FMNL2: variants seen among roughly 807,000 people sequenced by gnomAD.
FMNL2 encodes formin like 2, also known as formin-like protein 2.
In FMNL2, 51 loss-of-function variants were observed where a neutral mutation model predicts 130.2. That is an observed-to-expected ratio of 0.39 (90% CI 0.31 to 0.49). The LOEUF is 0.49. Among genes scored for constraint, FMNL2 ranks in the 20% least tolerant of loss-of-function variants. The probability of loss-of-function intolerance (pLI) is 0.85; values close to 1 mark genes in which losing one functional copy is unlikely to be tolerated. For missense variants in FMNL2, 977 were observed against 1,316.2 expected, an observed-to-expected ratio of 0.74 and a Z score of 3.99; for synonymous variants, 465 against 467.1, an observed-to-expected ratio of 1.00 and a Z score of 0.06.
chr2:152,379,311 GTGCT>G (rs1684336037), intron 1 of FMNL2, among the ~76,000 whole-genome samples: 1 of 152,226 alleles, frequency 6.6e-6, no homozygotes, highest in Non-Finnish European at 1.5e-5. Flanking sequence ...CTCATCATGA[GTGCT>G]TCTACTTCGT....
In FMNL2 at chr2:152,624,944, G is replaced by A. The variant is rs191251112; in HGVS notation, c.1838-494G>A. 6.5e-4 allele frequency among the ~76,000 whole-genome samples: 99 copies of A among 152,292 alleles called. 1 individual carries two copies. Among genetic ancestry groups the A allele is most frequent in the Non-Finnish European group, 1.2e-3 (82 of 68,026 alleles). On this transcript the variant is annotated intron_variant, in intron 15 of 25. Transcript: ENST00000288670. Reference sequence around the variant, plus strand: ...CCCACAGGAAGTCAGCCTTCATGACGTTGTACTTCTGGTAGTCTAGTCAGC... The same window carrying A: ...CCCACAGGAAGTCAGCCTTCATGACATTGTACTTCTGGTAGTCTAGTCAGC...
intron 6 of FMNL2, among the ~76,000 whole-genome samples, chr2:152,572,850 C>G (rs1696255895): frequency 6.6e-6 from 1 of 150,944 alleles, no homozygotes; most frequent in Non-Finnish European, 1.5e-5. Context: ...AGCAAAGAAA[C>G]CAAATATACA....
chr2:152,501,637 GA>G (rs538343244), intron 1 of FMNL2, among the ~76,000 whole-genome samples: 20 of 152,282 alleles, frequency 1.3e-4, no homozygotes, highest in African/African-American at 4.8e-4. Context: ...AGGGAGCAAA[GA>G]GCCTGATTGT....
chr2:152,497,792 C>T (rs952302057), intron 1 of FMNL2, among the ~76,000 whole-genome samples: 3 of 152,128 alleles, frequency 2.0e-5, no homozygotes, highest in Admixed American at 6.6e-5. Context: ...ATGGGTTAGT[C>T]GGGTTTTCTG....
At chr2:152,579,423 C>T (rs558050323) in intron 8 of FMNL2, among the ~76,000 whole-genome samples, 5 of 152,326 alleles carry the variant, frequency 3.3e-5, no homozygotes, top group South Asian at 2.1e-4. Context: ...AGTGGCCAGC[C>T]GCAGTGGCTC....
At chr2:152,636,186 C>T (rs1682590638) in intron 21 of FMNL2, among the ~76,000 whole-genome samples, 1 of 152,222 alleles carries the variant, frequency 6.6e-6, no homozygotes, top group Non-Finnish European at 1.5e-5. Context: ...CCTCTTTATG[C>T]TGCTTTTGCT....
chr2:152,337,913 T>C (rs530484097), intron 1 of FMNL2, among the ~76,000 whole-genome samples: 1 of 152,234 alleles, frequency 6.6e-6, no homozygotes, highest in African/African-American at 2.4e-5. Flanking sequence ...ATGCGTTCCT[T>C]GTCCCAGGTC....
At chr2:152,615,502 G>A (rs1281637826) in intron 12 of FMNL2, among the ~76,000 whole-genome samples, 2 of 152,146 alleles carry the variant, frequency 1.3e-5, no homozygotes, top group Admixed American at 1.3e-4. Flanking sequence ...GGACATCGGT[G>A]TGCTTTCTCA....
chr2:152,370,704 T>C (rs1216929235), intron 1 of FMNL2, among the ~76,000 whole-genome samples: 1 of 152,146 alleles, frequency 6.6e-6, no homozygotes, highest in African/African-American at 2.4e-5. Flanking sequence ...AAGTAAAGAA[T>C]CATCCCAAAA....
intron 1 of FMNL2, chr2:152,390,560 G>A (rs528435091): frequency 6.9e-7 from 1 of 1,456,246 alleles, no homozygotes; most frequent in Non-Finnish European, 9.6e-7. Flanking sequence ...CAGACGAACA[G>A]AAGAAACAGG....
chr2:152,567,317 A>G (rs1695900766), intron 6 of FMNL2, among the ~76,000 whole-genome samples: 1 of 152,220 alleles, frequency 6.6e-6, no homozygotes, highest in Non-Finnish European at 1.5e-5. Flanking sequence ...AAAAGTATGC[A>G]CTGAAACCTT....
chr2:152,461,138 T>C (rs1043506536), intron 1 of FMNL2, among the ~76,000 whole-genome samples: 13 of 152,164 alleles, frequency 8.5e-5, no homozygotes, highest in African/African-American at 3.1e-4. Context: ...GGAACAGAGC[T>C]GAACAATAGA....
At chr2:152,560,236 T>G (rs1052348544) in intron 5 of FMNL2, among the ~76,000 whole-genome samples, 7 of 152,140 alleles carry the variant, frequency 4.6e-5, no homozygotes, top group Non-Finnish European at 8.8e-5. Flanking sequence ...AAAGCCTGTC[T>G]GTTTAAAAAC....
At chr2:152,338,838 C>CACACACACACACACAT in intron 1 of FMNL2, among the ~76,000 whole-genome samples, 1 of 151,964 alleles carries the variant, frequency 6.6e-6, no homozygotes, top group African/African-American at 2.4e-5. Flanking sequence ...CACACACACA[C>CACACACACACACACAT]ACACACACAC....
At chr2:152,646,776 G>A (rs913608319) in intron 25 of FMNL2, among the ~76,000 whole-genome samples, 1 of 152,140 alleles carries the variant, frequency 6.6e-6, no homozygotes, top group Admixed American at 6.6e-5. Flanking sequence ...TTAATGAAAG[G>A]GAAGTAAATA....
intron 6 of FMNL2, among the ~76,000 whole-genome samples, chr2:152,566,434 C>CAG: frequency 6.6e-6 from 1 of 152,122 alleles, no homozygotes; most frequent in East Asian, 1.9e-4. Flanking sequence ...TGTGAGGAAA[C>CAG]TGGGGCCTGA....
chr2:152,477,229 A>G (rs1251312082), intron 1 of FMNL2, among the ~76,000 whole-genome samples: 1 of 152,230 alleles, frequency 6.6e-6, no homozygotes, highest in African/African-American at 2.4e-5. Flanking sequence ...CACAGCAGAC[A>G]GCTAGCTGCT....
chr2:152,445,228 A>G (rs1203289296), intron 1 of FMNL2, among the ~76,000 whole-genome samples: 1 of 152,180 alleles, frequency 6.6e-6, no homozygotes, highest in African/African-American at 2.4e-5. Flanking sequence ...TTCTTCTTCC[A>G]CTGTCTTCCC....
chr2:152,381,508 C>T (rs1684461328), intron 1 of FMNL2, among the ~76,000 whole-genome samples: 1 of 152,176 alleles, frequency 6.6e-6, no homozygotes, highest in Non-Finnish European at 1.5e-5. Context: ...TTCTTCTCTT[C>T]ATCAAAAAGA....
Sources: allele counts gnomAD v4.1 joint callset (sites outside exome capture counted in the v4.1 genomes callset), GRCh38; gene constraint gnomAD v4.1.1; transcripts MANE v1.5; gene names NCBI Gene and HGNC (gene_info 2026-07-23, HGNC 2026-07-21).